CCDC91: variants seen among roughly 807,000 people sequenced by gnomAD.
The protein encoded by CCDC91 is coiled-coil domain containing 91.
A neutral mutation model predicts 63.2 loss-of-function variants in CCDC91; 48 were observed. The ratio of observed to expected loss-of-function variants is 0.76; its 90% CI spans 0.60 to 0.97. CCDC91 has a LOEUF of 0.97. Ranked by LOEUF, CCDC91 falls within the 50% of genes least tolerant of loss-of-function variation. The probability of loss-of-function intolerance (pLI) is 0.00; values close to 1 mark genes in which losing one functional copy is unlikely to be tolerated. For synonymous variants in CCDC91, 167 were observed against 165.8 expected, an observed-to-expected ratio of 1.01 and a Z score of -0.06; for missense variants, 500 against 494.6, an observed-to-expected ratio of 1.01 and a Z score of -0.10.
chr12:28,483,929 A>G (rs1951579248), intron 11 of CCDC91, 123 bp from the exon 12 acceptor site: 2 of 542,800 alleles, frequency 3.7e-6, no homozygotes, highest in Non-Finnish European at 6.6e-6. Context: ...ATTCCTGTGT[A>G]AAGGTACACT....
chr12:28,477,950 A>C (rs1951205438), intron 11 of CCDC91, among the ~76,000 whole-genome samples: 1 of 152,158 alleles, frequency 6.6e-6, no homozygotes, highest in African/African-American at 2.4e-5. Flanking sequence ...ACCACTGCTC[A>C]ACGAAATAAA....
intron 3 of CCDC91, among the ~76,000 whole-genome samples, chr12:28,284,900 A>G (rs75951327): frequency 0.02 from 3,016 of 152,282 alleles, 105 homozygotes; most frequent in African/African-American, 0.068. Context: ...CTTCCTACAA[A>G]CATTCTAATG....
chr12:28,259,814 A>T (rs1431294054), intron 3 of CCDC91, among the ~76,000 whole-genome samples: 2 of 151,914 alleles, frequency 1.3e-5, no homozygotes, highest in African/African-American at 4.8e-5. Context: ...CAACATATTT[A>T]AATTTAGAAG....
chr12:28,233,231 GTCTA>G (rs1344957133), intron 1 of CCDC91, among the ~76,000 whole-genome samples: 1 of 151,982 alleles, frequency 6.6e-6, no homozygotes, highest in Non-Finnish European at 1.5e-5. Flanking sequence ...TCCCCTTGTA[GTCTA>G]TCTTTCTCCA....
At chr12:28,355,456 C>T (rs1010081295) in intron 6 of CCDC91, among the ~76,000 whole-genome samples, 1 of 152,134 alleles carries the variant, frequency 6.6e-6, no homozygotes, top group African/African-American at 2.4e-5. Context: ...TTGACAATGG[C>T]AACAATCATG....
At chr12:28,220,870 C>T (rs1392941143) in intron 1 of CCDC91, among the ~76,000 whole-genome samples, 3 of 151,824 alleles carry the variant, frequency 2.0e-5, no homozygotes, top group Admixed American at 6.6e-5. Context: ...CAAATATTCT[C>T]TTGTATTAGT....
chr12:28,391,510 G>T, intron 8 of CCDC91, 99 bp downstream of exon 8: 2 of 631,326 alleles, frequency 3.2e-6, no homozygotes, highest in South Asian at 3.0e-5. Flanking sequence ...CCATTTACTT[G>T]GTGTATTTTG....
At position 28,349,810 on chromosome 12, in the gene CCDC91, C is replaced by T. The variant is rs117045094; in HGVS notation, c.577-12628C>T. ...CAGTTTAGAGACCTTCTGTATTCCC[C>T]GCTTCAGAGAATAGACCCTCATTCC... On this transcript the variant is annotated intron_variant, in intron 6 of 12. Coordinates refer to ENST00000536442, the MANE Select transcript of CCDC91 (RefSeq NM_018318.5). Among the ~76,000 whole-genome samples, 776 of 152,260 alleles carry T rather than the reference C, an allele frequency of 5.1e-3. 1 individual carries two copies. The highest frequency in any genetic ancestry group is 9.0e-3 in the Non-Finnish European group (609 of 68,020).
intron 7 of CCDC91, 23 bp from the exon 8 acceptor site, chr12:28,391,281 A>G (rs201387554): frequency 2.0e-6 from 3 of 1,477,494 alleles, no homozygotes; most frequent in African/African-American, 1.4e-5. Flanking sequence ...TGTGATCCAA[A>G]TGACTTTTTT....
At chr12:28,339,343 A>C (rs947996704) in intron 6 of CCDC91, among the ~76,000 whole-genome samples, 4 of 152,130 alleles carry the variant, frequency 2.6e-5, no homozygotes, top group Non-Finnish European at 5.9e-5. Flanking sequence ...AAATTTAAGA[A>C]GACTTTTAGT....
chr12:28,346,417 T>C (rs10843157), intron 6 of CCDC91, among the ~76,000 whole-genome samples: 30,778 of 152,134 alleles, frequency 0.2, 4,079 homozygotes, highest in Non-Finnish European at 0.3. Flanking sequence ...AGCTATGTTA[T>C]GATTTAGTTG....
At chr12:28,513,904 A>G (rs1939652427) in intron 12 of CCDC91, among the ~76,000 whole-genome samples, 1 of 151,876 alleles carries the variant, frequency 6.6e-6, no homozygotes, top group South Asian at 2.1e-4. Flanking sequence ...GCTATTGTGA[A>G]TAGCACAGCA....
At chr12:28,199,040 A>G (rs976123904) in intron 1 of CCDC91, 7 of 151,516 alleles carry the variant, frequency 4.6e-5, no homozygotes, top group Non-Finnish European at 5.9e-5. Flanking sequence ...GAGCCTCCCT[A>G]GTAGCTAGGA....
At chr12:28,451,997 C>T (rs1949824100) in intron 10 of CCDC91, among the ~76,000 whole-genome samples, 1 of 151,462 alleles carries the variant, frequency 6.6e-6, no homozygotes. Context: ...AAGAGATTTA[C>T]AGACACATAC....
chr12:28,400,775 G>A (rs1946572397), intron 8 of CCDC91, among the ~76,000 whole-genome samples: 1 of 152,048 alleles, frequency 6.6e-6, no homozygotes, highest in East Asian at 1.9e-4. Context: ...AATCTCTAGG[G>A]CAGGGACAAA....
intron 3 of CCDC91, among the ~76,000 whole-genome samples, chr12:28,266,706 G>C (rs1187105885): frequency 6.6e-6 from 1 of 151,816 alleles, no homozygotes; most frequent in East Asian, 1.9e-4. Flanking sequence ...AAGGACTGTG[G>C]TGTGCATTTT....
At chr12:28,318,196 A>G (rs945166000) in intron 6 of CCDC91, among the ~76,000 whole-genome samples, 4 of 151,904 alleles carry the variant, frequency 2.6e-5, no homozygotes, top group Admixed American at 2.6e-4. Context: ...ACAATTTATT[A>G]CTTTTCTAAC....
chr12:28,253,738 C>A (rs1336715679), intron 1 of CCDC91, among the ~76,000 whole-genome samples: 1 of 152,080 alleles, frequency 6.6e-6, no homozygotes, highest in African/African-American at 2.4e-5. Flanking sequence ...ACAGGGATAC[C>A]TTTCCGTAAA....
chr12:28,464,830 T>G (rs1313308367), intron 11 of CCDC91, among the ~76,000 whole-genome samples: 1 of 152,066 alleles, frequency 6.6e-6, no homozygotes, highest in Non-Finnish European at 1.5e-5. Flanking sequence ...TAAAGGGGAC[T>G]TTGGCACCTC....
Sources: allele counts gnomAD v4.1 joint callset (sites outside exome capture counted in the v4.1 genomes callset), GRCh38; gene constraint gnomAD v4.1.1; transcripts MANE v1.5; gene names NCBI Gene and HGNC (gene_info 2026-07-23, HGNC 2026-07-21).